The following MYPN variants were observed in gnomAD, a reference collection of about 807,000 sequenced individuals.
MYPN encodes the protein myopalladin, also known as sarcomeric protein myopalladin, 145 kDa (MYOP).
Under a neutral mutation model 129.4 loss-of-function variants are expected in MYPN, and 63 were observed. The ratio of observed to expected loss-of-function variants is 0.49; its 90% CI spans 0.40 to 0.60. The LOEUF (loss-of-function observed/expected upper bound fraction) is 0.60, where lower values mean the gene tolerates loss of function less well. Among genes scored for constraint, MYPN ranks in the 20% least tolerant of loss-of-function variants. The probability of loss-of-function intolerance (pLI) is 0.00; values close to 1 mark genes in which losing one functional copy is unlikely to be tolerated. For synonymous variants in MYPN, 629 were observed against 600.9 expected (o/e 1.05, Z -0.68); for missense variants, 1,596 against 1,635.4 (o/e 0.98, Z 0.42).
intron 6 of MYPN, 49 bp downstream of exon 6, chr10:68,150,160 C>A: frequency 7.0e-7 from 1 of 1,436,188 alleles, no homozygotes; most frequent in Non-Finnish European, 9.8e-7. Flanking sequence ...GATACCACAG[C>A]ACCCAAAGTT....
At chr10:68,182,417 C>CAT (rs374959374) in intron 12 of MYPN, among the ~76,000 whole-genome samples, 32,513 of 85,510 alleles carry the variant, frequency 0.38, 6,364 homozygotes, top group South Asian at 0.48. Flanking sequence ...ATATATATAA[C>CAT]ATATATATAA....
chr10:68,098,534 C>G (rs767333889), intron 1 of MYPN, among the ~76,000 whole-genome samples: 22 of 151,942 alleles, frequency 1.4e-4, no homozygotes, highest in Admixed American at 2.6e-4. Context: ...ACTATTCATG[C>G]AAAATTGGAA....
chr10:68,133,331 C>A (rs2042438897), intron 2 of MYPN, among the ~76,000 whole-genome samples: 1 of 151,922 alleles, frequency 6.6e-6, no homozygotes, highest in Non-Finnish European at 1.5e-5. Flanking sequence ...GGCCTATAGA[C>A]CTGAAATTTT....
intron 1 of MYPN, among the ~76,000 whole-genome samples, chr10:68,093,194 C>A (rs1160278516): frequency 6.6e-6 from 1 of 152,098 alleles, no homozygotes; most frequent in Non-Finnish European, 1.5e-5. Flanking sequence ...AACATTTTTA[C>A]ATGTTGGAAA....
At chr10:68,141,088 G>C (rs964271402) in intron 2 of MYPN, among the ~76,000 whole-genome samples, 1 of 151,226 alleles carries the variant, frequency 6.6e-6, no homozygotes, top group African/African-American at 2.4e-5. Flanking sequence ...CCCAAAAAAA[G>C]GGCCAGGCGC....
At chr10:68,150,241 T>C (rs2042745882) in intron 6 of MYPN, 130 bp downstream of exon 6, 3 of 797,098 alleles carry the variant, frequency 3.8e-6, no homozygotes, top group Non-Finnish European at 6.3e-6. Flanking sequence ...GGGTTTGGGT[T>C]GTTTTGTTAG....
chr10:68,202,306 G>A (rs1218449908), intron 18 of MYPN, among the ~76,000 whole-genome samples: 4 of 152,050 alleles, frequency 2.6e-5, no homozygotes, highest in East Asian at 1.9e-4. Flanking sequence ...GGTAGCAGGT[G>A]CCTGTAGTCC....
chr10:68,139,451 T>G (rs993693789), intron 2 of MYPN, among the ~76,000 whole-genome samples: 1 of 152,238 alleles, frequency 6.6e-6, no homozygotes, highest in Non-Finnish European at 1.5e-5. Flanking sequence ...CCATTCTTTT[T>G]GTCTCTATGG....
intron 13 of MYPN, 69 bp from the exon 14 acceptor site, chr10:68,194,294 C>G: frequency 6.4e-7 from 1 of 1,569,542 alleles, no homozygotes; most frequent in African/African-American, 1.4e-5. Context: ...TTTCCTCACC[C>G]CAGACCCTAG....
intron 19 of MYPN, among the ~76,000 whole-genome samples, chr10:68,207,133 C>G (rs571532627): frequency 1.6e-4 from 25 of 152,112 alleles, no homozygotes; most frequent in South Asian, 6.2e-4. Flanking sequence ...TGGCACACAC[C>G]TGTAATCCCA....
At chr10:68,166,197 A>G in intron 9 of MYPN, 97 bp from the exon 10 acceptor site, 2 of 1,421,566 alleles carry the variant, frequency 1.4e-6, no homozygotes, top group East Asian at 2.3e-5. Flanking sequence ...TTTCCCATTC[A>G]TACATTCCTC....
At chr10:68,093,925 G>GC (rs1386599038) in intron 1 of MYPN, among the ~76,000 whole-genome samples, 1 of 151,998 alleles carries the variant, frequency 6.6e-6, no homozygotes, top group East Asian at 1.9e-4. Context: ...AGAACTGAGG[G>GC]CCCCTCCACT....
intron 4 of MYPN, among the ~76,000 whole-genome samples, chr10:68,146,449 G>A (rs1025140103): frequency 5.3e-5 from 8 of 152,276 alleles, no homozygotes; most frequent in African/African-American, 1.9e-4. Flanking sequence ...AACCTAAGGG[G>A]TATGAATTTT....
At chr10:68,162,991 T>G (rs986491627) in intron 8 of MYPN, among the ~76,000 whole-genome samples, 1 of 152,080 alleles carries the variant, frequency 6.6e-6, no homozygotes, top group African/African-American at 2.4e-5. Flanking sequence ...GAAAAAAATG[T>G]CTTAAGAGAT....
chr10:68,166,820 G>A, intron 10 of MYPN, 154 bp downstream of exon 10: 1 of 1,109,292 alleles, frequency 9.0e-7, no homozygotes, highest in Admixed American at 2.2e-5. Context: ...CTTGAGCCCA[G>A]GAATTCGAGA....
At chr10:68,094,773 G>C (rs1564636145) in intron 1 of MYPN, among the ~76,000 whole-genome samples, 1 of 152,098 alleles carries the variant, frequency 6.6e-6, no homozygotes, top group African/African-American at 2.4e-5. Context: ...AAAATATAAA[G>C]CATGGGGGCT....
intron 15 of MYPN, 64 bp from the exon 16 acceptor site, chr10:68,197,288 C>T (rs2043624239): frequency 6.3e-7 from 1 of 1,589,032 alleles, no homozygotes; most frequent in Non-Finnish European, 8.6e-7. Context: ...TGCCTAAATG[C>T]CTATTATCAT....
At chr10:68,137,288 G>A (rs1269253161) in intron 2 of MYPN, among the ~76,000 whole-genome samples, 3 of 152,140 alleles carry the variant, frequency 2.0e-5, no homozygotes, top group Non-Finnish European at 4.4e-5. Context: ...GTTGTATTAC[G>A]TTGTTTGGGT....
chr10:68,099,262 G>A (rs1371236861), intron 1 of MYPN, among the ~76,000 whole-genome samples: 1 of 152,102 alleles, frequency 6.6e-6, no homozygotes, highest in South Asian at 2.1e-4. Flanking sequence ...TGGCTTACAT[G>A]GATATGCAGC....
Sources: allele counts gnomAD v4.1 joint callset (sites outside exome capture counted in the v4.1 genomes callset), GRCh38; gene constraint gnomAD v4.1.1; transcripts MANE v1.5; gene names NCBI Gene and HGNC (gene_info 2026-07-23, HGNC 2026-07-21).